The following ZNF737 variants were observed in gnomAD, a reference collection of about 807,000 sequenced individuals.
ZNF737 encodes zinc finger protein 737, also known as zinc finger protein 102 (Y3).
In ZNF737, 13 loss-of-function variants were observed where a neutral mutation model predicts 11.7. The observed-to-expected ratio is 1.11, with a 90% CI of 0.73 to 1.77. ZNF737 has a LOEUF of 1.77. Ranked by LOEUF, ZNF737 falls within the 40% of genes most tolerant of loss-of-function variation. The pLI is 0.00. For synonymous variants in ZNF737, 217 were observed against 216.2 expected (o/e 1.00, Z -0.03); for missense variants, 636 against 638.0 (o/e 1.00, Z 0.03).
Position 20,538,670 on chromosome 19 carries a change from G to C in ZNF737, c.*5922C>G. The stretch of plus-strand genomic sequence containing the variant: ...ACCATTATGGACCCTGAGTAATTCA[G>C]GGGGAATTGGTATCTCTGTAAAGAG... On this transcript the variant is annotated 3_prime_UTR_variant, in exon 4 of 4. Coordinates refer to ENST00000427401, the MANE Select transcript of ZNF737 (RefSeq NM_001159293.2). 2 of 985,304 alleles carry C rather than the reference G, an allele frequency of 2.0e-6. No individual in the cohort carries two copies. The allele number at this position is 985,304 out of a possible 1,614,324, so 61.0% of individuals were successfully genotyped here. A position where few individuals can be genotyped will look rare whatever the true frequency, so the allele number is the denominator to read the frequency against.
At chr19:20,557,551 G>A (rs1315337133) in intron 1 of ZNF737, among the ~76,000 whole-genome samples, 1 of 149,394 alleles carries the variant, frequency 6.7e-6, no homozygotes, top group Non-Finnish European at 1.5e-5. Context: ...TCTAGCCACT[G>A]CCCTGTCAAC....
In ZNF737 at chr19:20,540,517, G is replaced by A. The variant is rs974072561; in HGVS notation, c.*4075C>T. 2.0e-5 allele frequency among the ~76,000 whole-genome samples: 3 copies of A among 152,102 alleles called. No homozygotes were observed. The highest frequency in any genetic ancestry group is 2.9e-5 in the Non-Finnish European group (2 of 68,024). On this transcript the variant is annotated 3_prime_UTR_variant, in exon 4 of 4. Coordinates refer to ENST00000427401, the MANE Select transcript of ZNF737 (RefSeq NM_001159293.2). ...GGCTCATGATTCTAATACCAGCACC[G>A]TGGGAGGCTGAAGCAGGCAGATCAT...
Position 20,544,158 on chromosome 19 carries a change from G to T in ZNF737, c.*434C>A. ...AAAAAAATATTGAAAACTTGTTATAGGATTTGCCACATTCCTCAAACTTGT... is the reference window on the plus strand; with the variant it reads ...AAAAAAATATTGAAAACTTGTTATATGATTTGCCACATTCCTCAAACTTGT... On this transcript the variant is annotated 3_prime_UTR_variant, in exon 4 of 4. Transcript: ENST00000427401. 1 of 1,006,814 alleles carries T rather than the reference G, an allele frequency of 9.9e-7. No homozygotes were observed. The highest frequency in any genetic ancestry group is 1.2e-6 in the Non-Finnish European group (1 of 843,044). The allele number at this position is 1,006,814 out of a possible 1,614,324, so 62.4% of individuals were successfully genotyped here. A position where few individuals can be genotyped will look rare whatever the true frequency, so the allele number is the denominator to read the frequency against.
In ZNF737 at chr19:20,539,676, T is replaced by A; in HGVS notation, c.*4916A>T. On this transcript the variant is annotated 3_prime_UTR_variant, in exon 4 of 4. Coordinates refer to ENST00000427401, the MANE Select transcript of ZNF737 (RefSeq NM_001159293.2). ...AGAATCCTCTATAATTAGAAGTTAA[T>A]TATTTATAAATTCATTGTTTTTAAG... 1.1e-6 allele frequency: 1 copy of A among 943,004 alleles called. No homozygotes were observed. The highest frequency in any genetic ancestry group is 1.3e-6 in the Non-Finnish European group (1 of 791,428). 58.4% of individuals were successfully genotyped at this position (943,004 alleles called of 1,614,324 possible). A position where few individuals can be genotyped will look rare whatever the true frequency, so the allele number is the denominator to read the frequency against.
At chr19:20,553,573 C>T (rs1053046721) in intron 2 of ZNF737, 136 bp downstream of exon 2, 23 of 1,005,464 alleles carry the variant, frequency 2.3e-5, no homozygotes, top group Middle Eastern at 5.6e-4. Flanking sequence ...TCTAAATGAA[C>T]AAATTCTGAA....
chr19:20,539,018 G>A lies in ZNF737; in HGVS notation c.*5574C>T. ...CCTGCCTACCAAAATTATTCTGGCTGGGAAAAGTGGCTCATGCCTGTAATC... is the reference window on the plus strand; with the variant it reads ...CCTGCCTACCAAAATTATTCTGGCTAGGAAAAGTGGCTCATGCCTGTAATC... On this transcript the variant is annotated 3_prime_UTR_variant, in exon 4 of 4. Coordinates refer to ENST00000427401, the MANE Select transcript of ZNF737 (RefSeq NM_001159293.2). 2 of 985,260 alleles carry A rather than the reference G, an allele frequency of 2.0e-6. No individual in the cohort carries two copies. Among genetic ancestry groups the A allele is most frequent in the African/African-American group, 3.5e-5 (2 of 57,356 alleles). The allele number at this position is 985,260 out of a possible 1,614,324, so 61.0% of individuals were successfully genotyped here. A position where few individuals can be genotyped will look rare whatever the true frequency, so the allele number is the denominator to read the frequency against.
downstream of ZNF737, among the ~76,000 whole-genome samples, chr19:20,531,141 T>G (rs1257743820): frequency 6.9e-6 from 1 of 143,952 alleles, no homozygotes; most frequent in Non-Finnish European, 1.5e-5. Flanking sequence ...GGCAGGAGAA[T>G]CAGGCAGGGA....
rs781981505 is a variant in ZNF737, at chr19:20,540,432, C to T, written c.*4160G>A. On this transcript the variant is annotated 3_prime_UTR_variant, in exon 4 of 4. Transcript: ENST00000427401. ...ACAGACTGGTAATCCAGGGTATTAT[C>T]TTAGAATGTTGCCTACCCACCTAAA... is the stretch of plus-strand genomic sequence containing the variant. Among the ~76,000 whole-genome samples the T allele has an allele frequency of 3.3e-5, 5 of 152,070 alleles. No individual in the cohort carries two copies. Among genetic ancestry groups the T allele is most frequent in the South Asian group, 4.2e-4 (2 of 4,818 alleles).
intron 3 of ZNF737, among the ~76,000 whole-genome samples, chr19:20,548,846 T>C (rs1033926925): frequency 1.3e-5 from 2 of 150,762 alleles, no homozygotes; most frequent in Admixed American, 6.7e-5. Flanking sequence ...CTCAAAATCC[T>C]GGGATTACAA....
intron 1 of ZNF737, among the ~76,000 whole-genome samples, chr19:20,563,612 T>C (rs1376728897): frequency 1.3e-5 from 2 of 151,404 alleles, no homozygotes. Context: ...CAGCCTCCCA[T>C]GTTGTTGGGA....
At position 20,545,640 on chromosome 19, in the gene ZNF737, AG is replaced by A; in HGVS notation, c.562del (p.Thr189LeufsTer61). The A allele has an allele frequency of 6.2e-7, 1 of 1,613,996 alleles. No homozygotes were observed. The highest frequency in any genetic ancestry group is 8.5e-7 in the Non-Finnish European group (1 of 1,179,964). ...CGKAFNQSST[L>X]TTHKKIHTGE... Reference sequence around the variant, plus strand: ...AGTATGAATTTTCTTATGTGTAGTAAGGGTTGAAGACTGGTTAAAAGCTTTG... The same window carrying A: ...AGTATGAATTTTCTTATGTGTAGTAAGGTTGAAGACTGGTTAAAAGCTTTG... On this transcript the variant is annotated frameshift_variant, in exon 4 of 4. Coordinates refer to ENST00000427401, the MANE Select transcript of ZNF737 (RefSeq NM_001159293.2). LOFTEE classifies it low-confidence loss of function (END_TRUNC).
rs760447393 is a variant in ZNF737, at chr19:20,539,580, A to C, written c.*5012T>G. The C allele has an allele frequency of 3.1e-6, 3 of 979,596 alleles. No individual in the cohort carries two copies. Among genetic ancestry groups the C allele is most frequent in the South Asian group, 4.7e-5 (1 of 21,146 alleles). The allele number at this position is 979,596 out of a possible 1,614,324, so 60.7% of individuals were successfully genotyped here. On this transcript the variant is annotated 3_prime_UTR_variant, in exon 4 of 4. Transcript: ENST00000427401. The stretch of plus-strand genomic sequence containing the variant: ...TGTGAATCTAAAAGAAACTATCTAC[A>C]TAACTAATCATGGATTCAAAAAATA...
rs1555756103 is a variant in ZNF737, at chr19:20,544,786, T to G, written c.1417A>C (p.Arg473=). Residue 473 remains arginine, a synonymous_variant, in exon 4 of 4, where the codon AGA becomes CGA. Transcript: ENST00000427401. ...NSSSHLTAHK[R]IHTGEKPYKC... Reference sequence around the variant, plus strand: ...TAGGGTTTCTCTCCAGTATGAATTCTCTTATGTGCAGTAAGGTGTGAGGAC... The same window carrying G: ...TAGGGTTTCTCTCCAGTATGAATTCGCTTATGTGCAGTAAGGTGTGAGGAC... The G allele has an allele frequency of 1.2e-6, 2 of 1,609,248 alleles. No homozygotes were observed. Among genetic ancestry groups the G allele is most frequent in the Non-Finnish European group, 1.7e-6 (2 of 1,178,092 alleles).
At position 20,541,299 on chromosome 19, in the gene ZNF737, G is replaced by A. The variant is rs886446087; in HGVS notation, c.*3293C>T. ...CAATTCATAATTTTCTTACACCTCA[G>A]GTTTATCTTCAGAGTAATATGTGTA... On this transcript the variant is annotated 3_prime_UTR_variant, in exon 4 of 4. Coordinates refer to ENST00000427401, the MANE Select transcript of ZNF737 (RefSeq NM_001159293.2). The A allele has an allele frequency of 2.9e-4, 281 of 984,006 alleles. No individual in the cohort carries two copies. The African/African-American group carries it at 4.5e-3, about 16-fold the overall frequency. The allele number at this position is 984,006 out of a possible 1,614,324, so 61.0% of individuals were successfully genotyped here.
downstream of ZNF737, among the ~76,000 whole-genome samples, chr19:20,536,752 G>A (rs542255347): frequency 3.9e-5 from 6 of 152,164 alleles, no homozygotes; most frequent in African/African-American, 1.4e-4. Flanking sequence ...GACCAGCCTG[G>A]GCAACATGGC....
chr19:20,553,905 CA>C, intron 1 of ZNF737, 70 bp from the exon 2 acceptor site: 1 of 1,561,234 alleles, frequency 6.4e-7, no homozygotes, highest in South Asian at 1.2e-5. Flanking sequence ...GACTTAAGTT[CA>C]AATGAGAGAG....
intron 1 of ZNF737, among the ~76,000 whole-genome samples, chr19:20,562,561 T>A (rs1191385330): frequency 6.6e-6 from 1 of 151,858 alleles, no homozygotes; most frequent in Non-Finnish European, 1.5e-5. Flanking sequence ...TTTCTCCATG[T>A]TGGTCAGGCT....
rs35068430 is a variant in ZNF737, at chr19:20,557,486, T to TAAAA, written c.4-3655_4-3652dup. 8.1e-3 allele frequency among the ~76,000 whole-genome samples: 1,101 copies of TAAAA among 135,952 alleles called. 10 individuals carry two copies. Among genetic ancestry groups the TAAAA allele is most frequent in the Non-Finnish European group, 0.014 (877 of 63,886 alleles). The allele number at this position is 135,952 out of a possible 152,430, so 89.2% of individuals were successfully genotyped here. A position where few individuals can be genotyped will look rare whatever the true frequency, so the allele number is the denominator to read the frequency against. ...CAGTTTTGTTTTTTCTAAGCTTACC[T>TAAAA]AAAAAAAAAAAAAAAGAAAACTTAA... On this transcript the variant is annotated intron_variant, in intron 1 of 3. Coordinates refer to ENST00000427401, the MANE Select transcript of ZNF737 (RefSeq NM_001159293.2).
At chr19:20,548,983 ATTAT>A (rs1968567718) in intron 3 of ZNF737, among the ~76,000 whole-genome samples, 2 of 137,644 alleles carry the variant, frequency 1.5e-5, no homozygotes, top group Non-Finnish European at 3.2e-5. Context: ...AAAAAAAACA[ATTAT>A]GTATCTTTTT....
Sources: gnomAD v4.1 joint callset for allele counts (sites outside exome capture counted in the v4.1 genomes callset) on GRCh38, gnomAD v4.1.1 for gene constraint, MANE v1.5 for transcripts, NCBI Gene and HGNC (gene_info 2026-07-23, HGNC 2026-07-21) for gene names.